The following AKAP13 variants were observed in gnomAD, a reference collection of about 807,000 sequenced individuals.
AKAP13 encodes A-kinase anchor protein 13.
Under a neutral mutation model 264.5 loss-of-function variants are expected in AKAP13, and 80 were observed. The ratio of observed to expected loss-of-function variants is 0.30; its 90% CI spans 0.25 to 0.36. The LOEUF (loss-of-function observed/expected upper bound fraction) is 0.36, where lower values mean the gene tolerates loss of function less well. AKAP13 is among the 10% of genes least tolerant of loss of function. The pLI is 1.00. For synonymous variants in AKAP13, 1,380 were observed against 1,250.2 expected, an observed-to-expected ratio of 1.10 and a Z score of -2.19; for missense variants, 3,712 against 3,435.2, an observed-to-expected ratio of 1.08 and a Z score of -2.01.
chr15:85,587,749 C>T (rs1259197862), intron 8 of AKAP13, among the ~76,000 whole-genome samples: 2 of 152,126 alleles, frequency 1.3e-5, no homozygotes, highest in Non-Finnish European at 2.9e-5. Flanking sequence ...TGGGTTGAAG[C>T]GATTCTCTTG....
intron 5 of AKAP13, among the ~76,000 whole-genome samples, chr15:85,573,914 A>G (rs577959785): frequency 1.1e-4 from 16 of 152,346 alleles, no homozygotes; most frequent in South Asian, 1.0e-3. Context: ...CTCTGTGTCA[A>G]ACACCATAGA....
At chr15:85,699,404 A>G (rs1267011436) in intron 17 of AKAP13, among the ~76,000 whole-genome samples, 1 of 151,968 alleles carries the variant, frequency 6.6e-6, no homozygotes, top group African/African-American at 2.4e-5. Flanking sequence ...AGATCACACC[A>G]CCGCACTTTA....
intron 3 of AKAP13, among the ~76,000 whole-genome samples, chr15:85,522,104 C>G (rs547342529): frequency 6.6e-6 from 1 of 152,122 alleles, no homozygotes; most frequent in Admixed American, 6.5e-5. Context: ...GGTCTGCTCT[C>G]TAGCAGGTAC....
intron 2 of AKAP13, among the ~76,000 whole-genome samples, chr15:85,506,975 T>C (rs1465744440): frequency 1.3e-5 from 2 of 152,216 alleles, no homozygotes; most frequent in Non-Finnish European, 2.9e-5. Context: ...ATCTCTTGTC[T>C]TCCTAGTCAG....
chr15:85,386,185 T>C (rs1371506523), intron 1 of AKAP13, among the ~76,000 whole-genome samples: 1 of 151,954 alleles, frequency 6.6e-6, no homozygotes, highest in Non-Finnish European at 1.5e-5. Flanking sequence ...ATATCCAGTG[T>C]TTTTTTGTTT....
intron 1 of AKAP13, among the ~76,000 whole-genome samples, chr15:85,408,495 G>C: frequency 6.6e-6 from 1 of 151,454 alleles, no homozygotes; most frequent in Non-Finnish European, 1.5e-5. Flanking sequence ...TCTCTCCTCC[G>C]TGTCCCTGGC....
chr15:85,643,947 C>T (rs957227102), intron 9 of AKAP13, among the ~76,000 whole-genome samples: 2 of 152,162 alleles, frequency 1.3e-5, no homozygotes, highest in African/African-American at 2.4e-5. Context: ...TGGCACATAG[C>T]GACAGGACTG....
At chr15:85,474,451 A>G (rs1728382188) in intron 1 of AKAP13, among the ~76,000 whole-genome samples, 1 of 152,172 alleles carries the variant, frequency 6.6e-6, no homozygotes, top group Non-Finnish European at 1.5e-5. Flanking sequence ...ATGCATTAGT[A>G]TTTTCAGAAA....
At chr15:85,447,500 T>C (rs2073942922) in intron 1 of AKAP13, among the ~76,000 whole-genome samples, 2 of 152,142 alleles carry the variant, frequency 1.3e-5, no homozygotes. Context: ...ATAATAGTTA[T>C]CTTTTCTGCT....
At chr15:85,545,603 G>A (rs1485087452) in intron 5 of AKAP13, among the ~76,000 whole-genome samples, 1 of 152,228 alleles carries the variant, frequency 6.6e-6, no homozygotes, top group Non-Finnish European at 1.5e-5. Flanking sequence ...AGGAGAGGAT[G>A]AGCACCTTGC....
At position 85,514,766 on chromosome 15, in the gene AKAP13, A is replaced by G. The variant is rs1269033989; in HGVS notation, c.34-6662A>G. Among the ~76,000 whole-genome samples, 5 of 137,180 alleles carry G rather than the reference A, an allele frequency of 3.6e-5. 1 individual carries two copies. The highest frequency in any genetic ancestry group is 1.2e-4 in the African/African-American group (4 of 34,030). The allele number at this position is 137,180 out of a possible 152,430, so 90.0% of individuals were successfully genotyped here. Reference sequence around the variant, plus strand: ...CTGGGCAAAGTGTTATCAATTGCCTATCAATTGTATGTTTAAAGGAGAGAA... The same window carrying G: ...CTGGGCAAAGTGTTATCAATTGCCTGTCAATTGTATGTTTAAAGGAGAGAA... On this transcript the variant is annotated intron_variant, in intron 2 of 36. Transcript: ENST00000394518.
chr15:85,551,498 T>C (rs760459801), intron 5 of AKAP13, among the ~76,000 whole-genome samples: 1 of 152,228 alleles, frequency 6.6e-6, no homozygotes, highest in Non-Finnish European at 1.5e-5. Context: ...CTGTGAACTT[T>C]TACAAACTCC....
chr15:85,510,574 G>A (rs1055327840), intron 2 of AKAP13, among the ~76,000 whole-genome samples: 1 of 152,156 alleles, frequency 6.6e-6, no homozygotes, highest in Non-Finnish European at 1.5e-5. Flanking sequence ...ATGGATGGCA[G>A]TTCTATATGT....
At chr15:85,577,242 G>A (rs2079044804) in intron 6 of AKAP13, among the ~76,000 whole-genome samples, 1 of 152,176 alleles carries the variant, frequency 6.6e-6, no homozygotes, top group Non-Finnish European at 1.5e-5. Flanking sequence ...CCCTGTAAGT[G>A]CCCAATATAT....
chr15:85,533,515 G>C, intron 3 of AKAP13, 69 bp from the exon 4 acceptor site: 1 of 1,449,364 alleles, frequency 6.9e-7, no homozygotes, highest in Non-Finnish European at 9.3e-7. Context: ...AGAGCTAAGA[G>C]GATCCACTAG....
At chr15:85,557,778 A>G (rs1347439463) in intron 5 of AKAP13, among the ~76,000 whole-genome samples, 1 of 152,202 alleles carries the variant, frequency 6.6e-6, no homozygotes, top group African/African-American at 2.4e-5. Flanking sequence ...CCCACACGAC[A>G]GAACCTCTTT....
At chr15:85,454,658 T>C (rs2074222190) in intron 1 of AKAP13, among the ~76,000 whole-genome samples, 1 of 152,180 alleles carries the variant, frequency 6.6e-6, no homozygotes. Flanking sequence ...TAAAAAAAAA[T>C]CTTATCGTGA....
chr15:85,536,745 C>G (rs1596466396), intron 4 of AKAP13: 1 of 152,102 alleles, frequency 6.6e-6, no homozygotes, highest in Non-Finnish European at 1.5e-5. Context: ...CTATGTGATT[C>G]TATTTATATG....
In AKAP13 at chr15:85,472,506, A is replaced by T. The variant is rs552416126; in HGVS notation, c.-11-13204A>T. Among the ~76,000 whole-genome samples the T allele has an allele frequency of 7.2e-5, 11 of 152,280 alleles. No homozygotes were observed. In the East Asian group the frequency reaches 1.9e-3, roughly 27 times the overall value. On this transcript the variant is annotated intron_variant, in intron 1 of 36. Transcript: ENST00000394518. ...TCAACTTTTCTGAACTCTTTTTGAC[A>T]TTTTAAAAAATGTAGACAAAGGATC...
Sources: gnomAD v4.1 joint callset for allele counts (sites outside exome capture counted in the v4.1 genomes callset) on GRCh38, gnomAD v4.1.1 for gene constraint, MANE v1.5 for transcripts, NCBI Gene and HGNC (gene_info 2026-07-23, HGNC 2026-07-21) for gene names.